HECW2: variants seen among roughly 807,000 people sequenced by gnomAD.
HECW2 encodes E3 ubiquitin-protein ligase HECW2.
Under a neutral mutation model 175.2 loss-of-function variants are expected in HECW2, and 61 were observed. The ratio of observed to expected loss-of-function variants is 0.35; its 90% confidence interval spans 0.28 to 0.43. The LOEUF is 0.43. Ranked by LOEUF, HECW2 falls within the 20% of genes least tolerant of loss-of-function variation. The probability of loss-of-function intolerance (pLI) is 1.00; values close to 1 mark genes in which losing one functional copy is unlikely to be tolerated. For synonymous variants in HECW2, 671 were observed against 731.0 expected (o/e 0.92, Z 1.32); for missense variants, 1,524 against 2,000.5 (o/e 0.76, Z 4.54).
intron 17 of HECW2, chr2:196,269,496 C>CAAAAAAAAAAAAAAAAA (rs66656524): frequency 2.1e-4 from 11 of 51,318 alleles, no homozygotes; most frequent in African/African-American, 7.1e-4. Flanking sequence ...CCCCTACCTC[C>CAAAAAAAAAAAAAAAAA]AAAAAAAAAA....
At chr2:196,485,194 C>T (rs1405884) in intron 1 of HECW2, among the ~76,000 whole-genome samples, 21,090 of 152,000 alleles carry the variant, frequency 0.14, 1,523 homozygotes, top group Middle Eastern at 0.22. Flanking sequence ...ATTGGAGCAC[C>T]GAGTGTGAGG....
At chr2:196,503,108 C>A (rs541171028) in intron 1 of HECW2, among the ~76,000 whole-genome samples, 1 of 152,168 alleles carries the variant, frequency 6.6e-6, no homozygotes, top group African/African-American at 2.4e-5. Flanking sequence ...CCTGTGCCAG[C>A]TCATGAAATT....
chr2:196,564,525 C>G (rs1319133967), intron 1 of HECW2, among the ~76,000 whole-genome samples: 3 of 152,034 alleles, frequency 2.0e-5, no homozygotes, highest in Non-Finnish European at 4.4e-5. Flanking sequence ...TAAAAGCTTT[C>G]TAAATAAATA....
intron 15 of HECW2, among the ~76,000 whole-genome samples, chr2:196,278,209 G>A (rs1435587766): frequency 7.3e-6 from 1 of 136,822 alleles, no homozygotes; most frequent in Admixed American, 7.6e-5. Context: ...GCTGAAAATG[G>A]GTGTGCAAAT....
chr2:196,319,765 G>C lies in HECW2; in HGVS notation c.1125C>G (p.Asp375Glu), dbSNP rs371156944. Reference protein sequence around the residue: ...QVCSNGPVSEDSAADGTPKHS... With the variant: ...QVCSNGPVSEESAADGTPKHS... Reference sequence around the variant, plus strand: ...GCTTGGGGGTTCCATCGGCAGCACTGTCCTCAGAAACTGGCCCATTAGAGC... The same window carrying C: ...GCTTGGGGGTTCCATCGGCAGCACTCTCCTCAGAAACTGGCCCATTAGAGC... The change falls in exon 9 of 29, where the codon GAC becomes GAG. Residue 375 changes from aspartate (D) to glutamate (E), a missense_variant. Coordinates refer to ENST00000644978, the MANE Select transcript of HECW2 (RefSeq NM_001348768.2). The C allele has an allele frequency of 3.1e-6, 5 of 1,614,164 alleles. No homozygotes were observed. The highest frequency in any genetic ancestry group is 4.2e-6 in the Non-Finnish European group (5 of 1,180,022).
chr2:196,463,964 C>T (rs1696846121), intron 1 of HECW2, among the ~76,000 whole-genome samples: 1 of 152,106 alleles, frequency 6.6e-6, no homozygotes, highest in African/African-American at 2.4e-5. Flanking sequence ...ATTCTCCTTC[C>T]TCCACCTATG....
At chr2:196,248,625 C>CAG (rs1418875889) in intron 19 of HECW2, among the ~76,000 whole-genome samples, 23 of 144,076 alleles carry the variant, frequency 1.6e-4, no homozygotes, top group African/African-American at 6.7e-4. Flanking sequence ...CACACACACA[C>CAG]ACACACAGAG....
At chr2:196,426,377 G>T (rs1431598321) in intron 2 of HECW2, among the ~76,000 whole-genome samples, 1 of 152,072 alleles carries the variant, frequency 6.6e-6, no homozygotes, top group Non-Finnish European at 1.5e-5. Context: ...GTGTGTAAGG[G>T]TTCCCTTTTC....
intron 1 of HECW2, among the ~76,000 whole-genome samples, chr2:196,577,387 A>G (rs1222314453): frequency 6.6e-6 from 1 of 152,186 alleles, no homozygotes. Flanking sequence ...ATTTTACTAA[A>G]TATAATAATG....
intron 1 of HECW2, among the ~76,000 whole-genome samples, chr2:196,565,389 T>C (rs914345822): frequency 2.0e-5 from 3 of 152,186 alleles, no homozygotes; most frequent in Non-Finnish European, 4.4e-5. Context: ...ATGCAACAAA[T>C]GAACATGCTT....
intron 2 of HECW2, among the ~76,000 whole-genome samples, chr2:196,405,119 T>A (rs1694932348): frequency 6.6e-6 from 1 of 151,636 alleles, no homozygotes; most frequent in Non-Finnish European, 1.5e-5. Context: ...GTGTGAGCCA[T>A]CGCGCCCGGC....
rs745762497 is a variant in HECW2, at chr2:196,334,518, G to A, written c.401C>T (p.Pro134Leu). 4.8e-5 allele frequency: 77 copies of A among 1,589,994 alleles called. No individual in the cohort carries two copies. The highest frequency in any genetic ancestry group is 6.1e-5 in the Non-Finnish European group (71 of 1,166,828). Residue 134 changes from proline (P) to leucine (L), a missense_variant and splice_region_variant, in exon 4 of 29, where the codon CCG becomes CTG. By Grantham distance (98) the Pro-to-Leu change is moderately conservative (BLOSUM62 -3). Coordinates refer to ENST00000644978, the MANE Select transcript of HECW2 (RefSeq NM_001348768.2). Reference protein sequence around the residue: ...RIEPGPYFMEPEIKICFKYYH... With the variant: ...RIEPGPYFMELEIKICFKYYH... ...ATATTTAAAACAGATTTTTATCTCCGCTGCAAAGCAATTGGAGAAAACAGT... is the reference window on the plus strand; with the variant it reads ...ATATTTAAAACAGATTTTTATCTCCACTGCAAAGCAATTGGAGAAAACAGT...
intron 19 of HECW2, among the ~76,000 whole-genome samples, chr2:196,246,116 G>A (rs752572792): frequency 3.3e-5 from 5 of 152,168 alleles, no homozygotes; most frequent in South Asian, 2.1e-4. Flanking sequence ...CCTGTGTACC[G>A]AAAGGCATAA....
At chr2:196,521,209 T>C (rs1688361897) in intron 1 of HECW2, among the ~76,000 whole-genome samples, 1 of 144,368 alleles carries the variant, frequency 6.9e-6, no homozygotes. Context: ...ACACCCAGGA[T>C]CATTACTTCA....
At chr2:196,331,327 C>A (rs1692349637) in intron 4 of HECW2, 1 of 976,278 alleles carries the variant, frequency 1.0e-6, no homozygotes, top group African/African-American at 1.8e-5. Context: ...AGTACACTGG[C>A]CAGAGAACTA....
intron 2 of HECW2, among the ~76,000 whole-genome samples, chr2:196,416,279 G>A (rs1465025369): frequency 2.0e-5 from 3 of 152,122 alleles, no homozygotes; most frequent in Admixed American, 1.3e-4. Flanking sequence ...ATATAAGCAA[G>A]CACTCAGCCC....
chr2:196,413,491 A>G (rs1451618312), intron 2 of HECW2, among the ~76,000 whole-genome samples: 1 of 152,014 alleles, frequency 6.6e-6, no homozygotes, highest in East Asian at 1.9e-4. Context: ...GATTACAGGC[A>G]CGCACCACCA....
intron 1 of HECW2, among the ~76,000 whole-genome samples, chr2:196,531,555 A>G (rs1296109495): frequency 1.3e-5 from 2 of 151,812 alleles, no homozygotes; most frequent in African/African-American, 2.4e-5. Flanking sequence ...CCAGCTACTC[A>G]GGAGGCTGAG....
chr2:196,463,748 T>G (rs1295955326), intron 1 of HECW2, among the ~76,000 whole-genome samples: 1 of 152,230 alleles, frequency 6.6e-6, no homozygotes, highest in Non-Finnish European at 1.5e-5. Flanking sequence ...TGCCTCACTC[T>G]GAAACCTTCT....
Sources: gnomAD v4.1 joint callset for allele counts (sites outside exome capture counted in the v4.1 genomes callset) on GRCh38, gnomAD v4.1.1 for gene constraint, MANE v1.5 for transcripts, NCBI Gene and HGNC (gene_info 2026-07-23, HGNC 2026-07-21) for gene names.